The following MALRD1 variants were observed in gnomAD, a reference collection of about 807,000 sequenced individuals.
MALRD1 encodes the protein MAM and LDL receptor class A domain containing 1, also known as MAM and LDL-receptor class A domain-containing protein 1.
MALRD1 carries 247 observed loss-of-function variants against 242.1 expected under a neutral mutation model. That is an observed-to-expected ratio of 1.02 (90% CI 0.92 to 1.13). MALRD1 has a LOEUF of 1.13. Among genes scored for constraint, MALRD1 ranks in the 50% most tolerant of loss-of-function variants. The probability of loss-of-function intolerance (pLI) is 0.00; values close to 1 mark genes in which losing one functional copy is unlikely to be tolerated. For synonymous variants in MALRD1, 995 were observed against 866.6 expected (o/e 1.15, Z -2.60); for missense variants, 2,989 against 2,533.1 (o/e 1.18, Z -3.86).
intron 32 of MALRD1, among the ~76,000 whole-genome samples, chr10:19,559,159 G>A (rs185501872): frequency 4.3e-4 from 66 of 151,832 alleles, no homozygotes; most frequent in Non-Finnish European, 1.3e-4. Context: ...CTCCAGCCTG[G>A]GTGACAGAAC....
chr10:19,155,233 T>G (rs1264861842), intron 12 of MALRD1, 61 bp downstream of exon 12: 1 of 947,138 alleles, frequency 1.1e-6, no homozygotes, highest in East Asian at 3.3e-5. Flanking sequence ...TGAGCTTGGG[T>G]TACTCTGCTA....
rs1837283727 is a variant in MALRD1, at chr10:19,215,730, A to AAATTGAAACCTTTGCATAGTTTTTTTTC, written c.2991+6051_2991+6052insATTGAAACCTTTGCATAGTTTTTTTTCA. Among the ~76,000 whole-genome samples, 78 of 115,478 alleles carry AAATTGAAACCTTTGCATAGTTTTTTTTC rather than the reference A, an allele frequency of 6.8e-4. 10 individuals carry two copies. The highest frequency in any genetic ancestry group is 1.1e-3 in the Admixed American group (12 of 10,668). 75.8% of individuals were successfully genotyped at this position (115,478 alleles called of 152,430 possible). On this transcript the variant is annotated intron_variant, in intron 18 of 39. Transcript: ENST00000454679. ...AGACGTGCTATAATAAATTAGTATAAATAATTTAGTATAAATAATAATTAG... is the reference window on the plus strand; with the variant it reads ...AGACGTGCTATAATAAATTAGTATAAAATTGAAACCTTTGCATAGTTTTTTTTCATAATTTAGTATAAATAATAATTAG...
chr10:19,341,575 G>A (rs1843879590), intron 24 of MALRD1, among the ~76,000 whole-genome samples: 1 of 81,920 alleles, frequency 1.2e-5, no homozygotes, highest in Non-Finnish European at 2.4e-5. Context: ...ATACATACAT[G>A]TATATAAAAC....
At chr10:19,242,688 C>T (rs1588765100) in intron 18 of MALRD1, among the ~76,000 whole-genome samples, 1 of 151,948 alleles carries the variant, frequency 6.6e-6, no homozygotes, top group Non-Finnish European at 1.5e-5. Flanking sequence ...CAGTGACATT[C>T]TTTTTTTATA....
chr10:19,418,163 A>G (rs917074107), intron 28 of MALRD1, among the ~76,000 whole-genome samples: 1 of 152,088 alleles, frequency 6.6e-6, no homozygotes, highest in African/African-American at 2.4e-5. Flanking sequence ...CTATCTATCT[A>G]TAGATATAGA....
chr10:19,078,588 G>A (rs1349703778), intron 2 of MALRD1, among the ~76,000 whole-genome samples: 1 of 151,816 alleles, frequency 6.6e-6, no homozygotes, highest in African/African-American at 2.4e-5. Flanking sequence ...ATAAGAGTTT[G>A]TGAAGTATTA....
intron 38 of MALRD1, among the ~76,000 whole-genome samples, chr10:19,726,739 T>C (rs1835044706): frequency 6.6e-6 from 1 of 152,172 alleles, no homozygotes; most frequent in Non-Finnish European, 1.5e-5. Context: ...ATGTGACATA[T>C]ACATGCAAGG....
intron 28 of MALRD1, among the ~76,000 whole-genome samples, chr10:19,435,709 G>A (rs563159549): frequency 6.6e-6 from 1 of 152,232 alleles, no homozygotes; most frequent in African/African-American, 2.4e-5. Flanking sequence ...ACTTGATAAA[G>A]TTGTCAAGTT....
chr10:19,282,237 C>A (rs368323289), intron 20 of MALRD1, among the ~76,000 whole-genome samples: 1 of 152,088 alleles, frequency 6.6e-6, no homozygotes, highest in Non-Finnish European at 1.5e-5. Flanking sequence ...TTAACTAATA[C>A]GCCTGAATGT....
intron 18 of MALRD1, among the ~76,000 whole-genome samples, chr10:19,211,380 G>C (rs1038095313): frequency 3.3e-5 from 5 of 151,952 alleles, no homozygotes; most frequent in African/African-American, 9.7e-5. Flanking sequence ...CCTCCATGCT[G>C]TGTGGATTTG....
intron 28 of MALRD1, among the ~76,000 whole-genome samples, chr10:19,423,787 TC>T (rs1833801389): frequency 6.6e-6 from 1 of 152,160 alleles, no homozygotes; most frequent in Non-Finnish European, 1.5e-5. Flanking sequence ...CTGAAGCACT[TC>T]CTTCTGCTGT....
rs115855167 is a variant in MALRD1, at chr10:19,650,362, A to C, written c.6137+34439A>C. 9.4e-3 allele frequency among the ~76,000 whole-genome samples: 1,437 copies of C among 152,354 alleles called. 21 individuals carry two copies. Among genetic ancestry groups the C allele is most frequent in the African/African-American group, 0.032 (1,347 of 41,588 alleles). Reference sequence around the variant, plus strand: ...AGCAGCTGTCTACTATAAGAAATGCATAAAAATAACATTCAGGCTGAAGAG... The same window carrying C: ...AGCAGCTGTCTACTATAAGAAATGCCTAAAAATAACATTCAGGCTGAAGAG... On this transcript the variant is annotated intron_variant, in intron 36 of 39. Coordinates refer to ENST00000454679, the MANE Select transcript of MALRD1 (RefSeq NM_001142308.3).
At chr10:19,109,896 T>G (rs939288364) in intron 5 of MALRD1, among the ~76,000 whole-genome samples, 4 of 152,160 alleles carry the variant, frequency 2.6e-5, no homozygotes, top group Non-Finnish European at 4.4e-5. Context: ...CAGAGTTCTG[T>G]AGCATCAAAA....
intron 14 of MALRD1, among the ~76,000 whole-genome samples, chr10:19,196,960 A>C (rs536115040): frequency 6.6e-6 from 1 of 152,242 alleles, no homozygotes; most frequent in South Asian, 2.1e-4. Context: ...CACTGCTCTA[A>C]AGAACGGCCT....
intron 38 of MALRD1, among the ~76,000 whole-genome samples, chr10:19,719,240 A>T (rs1488891799): frequency 7.7e-6 from 1 of 130,258 alleles, no homozygotes; most frequent in Admixed American, 8.1e-5. Flanking sequence ...ATATATATAT[A>T]TATATATATA....
intron 26 of MALRD1, among the ~76,000 whole-genome samples, chr10:19,356,925 A>G (rs1844661393): frequency 6.6e-6 from 1 of 152,088 alleles, no homozygotes; most frequent in South Asian, 2.1e-4. Flanking sequence ...CCTGACCAAC[A>G]TGGCAAAACC....
At chr10:19,610,060 C>G (rs1005730847) in intron 35 of MALRD1, among the ~76,000 whole-genome samples, 2 of 151,880 alleles carry the variant, frequency 1.3e-5, no homozygotes, top group African/African-American at 2.4e-5. Context: ...GGAGCTACTT[C>G]AAGTTTGTTT....
At chr10:19,310,537 G>A (rs369235633) in intron 21 of MALRD1, among the ~76,000 whole-genome samples, 28 of 151,704 alleles carry the variant, frequency 1.8e-4, no homozygotes, top group African/African-American at 6.5e-4. Flanking sequence ...TGTGAACACA[G>A]GAGATAATCC....
Position 19,087,379 on chromosome 10 carries a change from T to A in MALRD1, c.341-461T>A, listed in dbSNP as rs559656009. ...CAATTAGCTATGTCACTGGGCAACA[T>A]AAGGAAGTAAAAATATCAGATGGTT... On this transcript the variant is annotated intron_variant, in intron 2 of 39. Coordinates refer to ENST00000454679, the MANE Select transcript of MALRD1 (RefSeq NM_001142308.3). Among the ~76,000 whole-genome samples, 25 of 152,096 alleles carry A rather than the reference T, an allele frequency of 1.6e-4. No individual in the cohort carries two copies. The East Asian group carries it at 4.7e-3, about 28-fold the overall frequency.
Sources: gnomAD v4.1 joint callset for allele counts (sites outside exome capture counted in the v4.1 genomes callset) on GRCh38, gnomAD v4.1.1 for gene constraint, MANE v1.5 for transcripts, NCBI Gene and HGNC (gene_info 2026-07-23, HGNC 2026-07-21) for gene names.